INTS9: variants seen among roughly 807,000 people sequenced by gnomAD.
INTS9 encodes the protein integrator complex subunit 9.
INTS9 carries 55 observed loss-of-function variants against 79.7 expected under a neutral mutation model. The ratio of observed to expected loss-of-function variants is 0.69; its 90% confidence interval spans 0.56 to 0.86. INTS9 has a LOEUF of 0.86. Among genes scored for constraint, INTS9 ranks in the 40% least tolerant of loss-of-function variants. INTS9 has a pLI of 0.00. For missense variants in INTS9, 721 were observed against 831.5 expected, an observed-to-expected ratio of 0.87 and a Z score of 1.64; for synonymous variants, 319 against 325.2, an observed-to-expected ratio of 0.98 and a Z score of 0.20.
rs772038843 is a variant in INTS9 at position 28,837,711 on chromosome 8, C to T, written c.327G>A (p.Ala109=). The part of the protein sequence containing the change: ...ILISNYHCMM[A]LPYITEHTGF... ...CGGTGTGCTCGGTGATGTATGGCAG[C>T]GCCATCATACAGTGATAGTTAGAGA... Residue 109 remains alanine, a synonymous_variant, in exon 5 of 17, where the codon GCG becomes GCA. Coordinates refer to ENST00000521022, the MANE Select transcript of INTS9 (RefSeq NM_018250.4). 2.2e-5 allele frequency: 36 copies of T among 1,613,748 alleles called. No individual in the cohort carries two copies. The East Asian group carries it at 3.1e-4, about 14-fold the overall frequency.
At chr8:28,867,761 T>C (rs1413733469) in intron 1 of INTS9, among the ~76,000 whole-genome samples, 3 of 151,486 alleles carry the variant, frequency 2.0e-5, no homozygotes, top group Non-Finnish European at 4.4e-5. Context: ...TAAAACATCA[T>C]CTATGTTCTT....
intron 1 of INTS9, among the ~76,000 whole-genome samples, chr8:28,882,955 C>A (rs73554866): frequency 1.3e-5 from 2 of 152,214 alleles, no homozygotes; most frequent in African/African-American, 4.8e-5. Context: ...TTGCGACTTT[C>A]AAGCCAGTGC....
At chr8:28,883,208 C>G (rs1043902915) in intron 1 of INTS9, among the ~76,000 whole-genome samples, 10 of 152,234 alleles carry the variant, frequency 6.6e-5, no homozygotes, top group Admixed American at 2.6e-4. Flanking sequence ...GTACCATCAT[C>G]TTAATTCCTA....
intron 6 of INTS9, among the ~76,000 whole-genome samples, chr8:28,824,213 G>T (rs1467226218): frequency 6.6e-6 from 1 of 152,174 alleles, no homozygotes; most frequent in Admixed American, 6.5e-5. Context: ...CTTGCCTACA[G>T]GCTGGCCTTC....
intron 2 of INTS9, among the ~76,000 whole-genome samples, chr8:28,855,595 G>A (rs1359300353): frequency 6.6e-6 from 1 of 152,200 alleles, no homozygotes; most frequent in Admixed American, 6.5e-5. Flanking sequence ...GACGGACTGG[G>A]AAAGTCTTCC....
chr8:28,771,405 CT>C (rs1210431190), intron 14 of INTS9, among the ~76,000 whole-genome samples: 1 of 152,106 alleles, frequency 6.6e-6, no homozygotes, highest in East Asian at 1.9e-4. Context: ...ACGGCTTTAC[CT>C]GGGGGGTGGT....
At chr8:28,808,637 C>T (rs1191483146) in intron 8 of INTS9, among the ~76,000 whole-genome samples, 9 of 152,212 alleles carry the variant, frequency 5.9e-5, no homozygotes, top group Admixed American at 5.9e-4. Context: ...TCTGCCAACT[C>T]TTCCTTGTTA....
chr8:28,809,866 G>T (rs1171977220), intron 8 of INTS9, among the ~76,000 whole-genome samples: 1 of 152,076 alleles, frequency 6.6e-6, no homozygotes, highest in East Asian at 1.9e-4. Context: ...ATGAAACTTG[G>T]CTATAAAAGA....
Position 28,841,231 on chromosome 8 carries a change from G to C in INTS9, c.262-3455C>G, listed in dbSNP as rs1349058616. Among the ~76,000 whole-genome samples, 3 of 152,172 alleles carry C rather than the reference G, an allele frequency of 2.0e-5. No homozygotes were observed. The East Asian group carries it at 5.8e-4, about 29-fold the overall frequency. ...CCCAAGTTGTGCACTGCCTTTGCAA[G>C]ACAGTGTCCTCCTCATGAAGGACCA... On this transcript the variant is annotated intron_variant, in intron 4 of 16. Coordinates refer to ENST00000521022, the MANE Select transcript of INTS9 (RefSeq NM_018250.4).
At chr8:28,836,345 A>C (rs1214100316) in intron 5 of INTS9, among the ~76,000 whole-genome samples, 1 of 152,186 alleles carries the variant, frequency 6.6e-6, no homozygotes, top group East Asian at 1.9e-4. Flanking sequence ...AGGACAGAGA[A>C]CTGCGGGAAT....
At chr8:28,771,709 C>T (rs1253778915) in intron 14 of INTS9, among the ~76,000 whole-genome samples, 1 of 152,248 alleles carries the variant, frequency 6.6e-6, no homozygotes, top group Non-Finnish European at 1.5e-5. Context: ...CGGCCCTTGC[C>T]GAGGAGCAGG....
chr8:28,852,116 GGCCCAGGAGGAAGGATCGCTTGA>G (rs1807873078), intron 2 of INTS9, among the ~76,000 whole-genome samples: 1 of 152,114 alleles, frequency 6.6e-6, no homozygotes. Context: ...CTACTTGGGA[GGCCCAGGAGGAAGGATCGCTTGA>G]GCCCAGGAGG....
At chr8:28,826,958 C>T (rs1806183694) in intron 6 of INTS9, among the ~76,000 whole-genome samples, 1 of 152,168 alleles carries the variant, frequency 6.6e-6, no homozygotes, top group African/African-American at 2.4e-5. Context: ...TTTATTCTTT[C>T]TAGATATTTA....
At chr8:28,835,853 G>C (rs1418544620) in intron 5 of INTS9, among the ~76,000 whole-genome samples, 1 of 151,752 alleles carries the variant, frequency 6.6e-6, no homozygotes, top group South Asian at 2.1e-4. Flanking sequence ...TTGTTGCCCA[G>C]GCTAGACTGC....
At position 28,813,575 on chromosome 8, in the gene INTS9, A is replaced by G. The variant is rs774269412; in HGVS notation, c.526T>C (p.Ser176Pro). The change falls in exon 7 of 17, where the codon TCA (serine) becomes CCA (proline). Residue 176 changes from serine to proline, a missense_variant. Physicochemically the swap from Ser to Pro is moderately conservative, Grantham distance 74. Around this residue, in one of 3 missense-constraint regions of INTS9, gnomAD observed 291 missense variants for 307.0 expected, o/e 0.95. Transcript: ENST00000521022. Reference protein sequence around the residue: ...PSPLKDAVEVSTWRRCYTMQE... With the variant: ...PSPLKDAVEVPTWRRCYTMQE... ...ATTGTATAGCATCTTCTCCAGGTTG[A>G]GACTTCCACTGCATCCTTGAGAGGA... The G allele has an allele frequency of 1.2e-6, 2 of 1,613,724 alleles. No individual in the cohort carries two copies. Among genetic ancestry groups the G allele is most frequent in the East Asian group, 2.2e-5 (1 of 44,850 alleles).
chr8:28,776,946 TG>T (rs1802924692), intron 13 of INTS9, among the ~76,000 whole-genome samples: 1 of 152,204 alleles, frequency 6.6e-6, no homozygotes, highest in East Asian at 1.9e-4. Context: ...AGCGAATCAC[TG>T]TAGACAGGCC....
chr8:28,774,823 G>A (rs1802774627), intron 14 of INTS9, among the ~76,000 whole-genome samples: 1 of 152,186 alleles, frequency 6.6e-6, no homozygotes, highest in African/African-American at 2.4e-5. Flanking sequence ...CATCCTCAAC[G>A]CTGTCTTTCA....
intron 8 of INTS9, among the ~76,000 whole-genome samples, chr8:28,803,969 G>C (rs1416289824): frequency 6.6e-6 from 1 of 151,998 alleles, no homozygotes; most frequent in East Asian, 1.9e-4. Context: ...TGTTGCCCAG[G>C]CTGGAGCACA....
At chr8:28,788,595 T>G (rs1269753550) in intron 10 of INTS9, among the ~76,000 whole-genome samples, 2 of 152,134 alleles carry the variant, frequency 1.3e-5, no homozygotes, top group Non-Finnish European at 2.9e-5. Context: ...ATTTTTGTAT[T>G]TTTAGTAGAG....
Sources: allele counts gnomAD v4.1 joint callset (sites outside exome capture counted in the v4.1 genomes callset), GRCh38; gene constraint gnomAD v4.1.1; regional missense constraint gnomAD v4.1.1; transcripts MANE v1.5; gene names NCBI Gene and HGNC (gene_info 2026-07-23, HGNC 2026-07-21).